Variants in SMYD3 observed in about 807,000 individuals in gnomAD.
SMYD3 encodes the protein SET and MYND domain containing 3, also known as histone-lysine N-methyltransferase SMYD3.
In SMYD3, 36 loss-of-function variants were observed where a neutral mutation model predicts 57.7. The ratio of observed to expected loss-of-function variants is 0.62; its 90% CI spans 0.48 to 0.82. The LOEUF (loss-of-function observed/expected upper bound fraction) is 0.82, where lower values mean the gene tolerates loss of function less well. Ranked by LOEUF, SMYD3 falls within the 40% of genes least tolerant of loss-of-function variation. SMYD3 has a pLI of 0.00. For synonymous variants in SMYD3, 211 were observed against 195.0 expected, an observed-to-expected ratio of 1.08 and a Z score of -0.68; for missense variants, 515 against 538.8, an observed-to-expected ratio of 0.96 and a Z score of 0.44.
intron 8 of SMYD3, among the ~76,000 whole-genome samples, chr1:245,895,100 C>G (rs1215912260): frequency 2.6e-5 from 4 of 152,180 alleles, no homozygotes; most frequent in Non-Finnish European, 5.9e-5. Flanking sequence ...GCCCAGAAGC[C>G]TCTCCCCGTA....
At chr1:246,104,639 G>A (rs932983608) in intron 5 of SMYD3, among the ~76,000 whole-genome samples, 1 of 151,362 alleles carries the variant, frequency 6.6e-6, no homozygotes, top group Non-Finnish European at 1.5e-5. Context: ...CTGGAAATGG[G>A]GGGAAAAATA....
intron 5 of SMYD3, among the ~76,000 whole-genome samples, chr1:246,057,666 G>T (rs996488427): frequency 2.0e-5 from 3 of 152,158 alleles, no homozygotes; most frequent in Non-Finnish European, 4.4e-5. Flanking sequence ...ACGCAAAATG[G>T]TACAGCCACT....
intron 10 of SMYD3, among the ~76,000 whole-genome samples, chr1:245,789,987 G>C (rs905399389): frequency 6.6e-6 from 1 of 152,180 alleles, no homozygotes; most frequent in African/African-American, 2.4e-5. Flanking sequence ...TTATGGGCCA[G>C]ACACTACAGG....
intron 2 of SMYD3, among the ~76,000 whole-genome samples, chr1:246,336,539 G>A (rs1285278831): frequency 3.3e-5 from 5 of 152,146 alleles, no homozygotes; most frequent in Non-Finnish European, 4.4e-5. Flanking sequence ...TCAAAGTAAA[G>A]ATGTGTATGA....
intron 8 of SMYD3, among the ~76,000 whole-genome samples, chr1:245,886,255 C>G (rs559606315): frequency 7.9e-5 from 12 of 152,124 alleles, no homozygotes; most frequent in Non-Finnish European, 1.5e-4. Context: ...ATTATCAACG[C>G]TTTCATAATT....
Position 246,103,321 on chromosome 1 carries a change from G to A in SMYD3, c.532-173384C>T, listed in dbSNP as rs180937241. 6.1e-3 allele frequency among the ~76,000 whole-genome samples: 931 copies of A among 151,870 alleles called. 6 individuals are homozygous for A. The highest frequency in any genetic ancestry group is 0.048 in the Middle Eastern group (14 of 294). ...CCTGAAATAATGTTGATTATTTTGA[G>A]AACAGAATATTAAGGCTATCGAGAG... On this transcript the variant is annotated intron_variant, in intron 5 of 11. Coordinates refer to ENST00000490107, the MANE Select transcript of SMYD3 (RefSeq NM_001167740.2).
intron 1 of SMYD3, among the ~76,000 whole-genome samples, chr1:246,485,633 AT>A (rs1284441883): frequency 6.6e-6 from 1 of 151,798 alleles, no homozygotes; most frequent in African/African-American, 2.4e-5. Flanking sequence ...TACAAAAAAA[AT>A]TTTTTTTAAA....
At chr1:246,253,715 T>C (rs2063832655) in intron 5 of SMYD3, among the ~76,000 whole-genome samples, 1 of 152,244 alleles carries the variant, frequency 6.6e-6, no homozygotes, top group Non-Finnish European at 1.5e-5. Context: ...GGTGTGTATA[T>C]CTACTGCAAA....
chr1:246,483,708 T>C (rs956102378), intron 1 of SMYD3: 29 of 150,138 alleles, frequency 1.9e-4, no homozygotes, highest in African/African-American at 7.4e-4. Flanking sequence ...ACAATTAAGA[T>C]GGCATAGCAC....
At chr1:246,184,202 T>G (rs976447597) in intron 5 of SMYD3, among the ~76,000 whole-genome samples, 9 of 152,210 alleles carry the variant, frequency 5.9e-5, no homozygotes, top group African/African-American at 1.7e-4. Flanking sequence ...TCTGGGATAT[T>G]GTTACACATG....
At chr1:246,500,549 G>A (rs1024680717) in intron 1 of SMYD3, among the ~76,000 whole-genome samples, 1 of 152,310 alleles carries the variant, frequency 6.6e-6, no homozygotes, top group Non-Finnish European at 1.5e-5. Context: ...CCGACACAAG[G>A]TGGCTGGCTG....
chr1:246,112,505 T>C lies in SMYD3; in HGVS notation c.532-182568A>G, dbSNP rs183189130. ...CTAAGTTAGCTTAATAATGAGGTTT[T>C]CTTAAGGAGAAATCTGTTGGTTATA... On this transcript the variant is annotated intron_variant, in intron 5 of 11. Coordinates refer to ENST00000490107, the MANE Select transcript of SMYD3 (RefSeq NM_001167740.2). Among the ~76,000 whole-genome samples the C allele has an allele frequency of 7.9e-5, 12 of 152,354 alleles. No homozygotes were observed. In the East Asian group the frequency reaches 2.3e-3, roughly 29 times the overall value.
At chr1:245,906,049 A>G (rs73126367) in intron 8 of SMYD3, among the ~76,000 whole-genome samples, 1,925 of 152,328 alleles carry the variant, frequency 0.013, 41 homozygotes, top group African/African-American at 0.043. Flanking sequence ...ACTACAAGAA[A>G]ATATTAAGGA....
Position 245,874,968 on chromosome 1 carries a change from C to T in SMYD3, c.814-11082G>A, listed in dbSNP as rs147377586. ...GGTACAGCTCTTTTGTGCCTCACCT[C>T]GTATCCATGAGACAGACTACACAAA... On this transcript the variant is annotated intron_variant, in intron 8 of 11. Coordinates refer to ENST00000490107, the MANE Select transcript of SMYD3 (RefSeq NM_001167740.2). 2.3e-3 allele frequency among the ~76,000 whole-genome samples: 348 copies of T among 152,270 alleles called. 4 individuals are homozygous for T. The highest frequency in any genetic ancestry group is 7.8e-3 in the African/African-American group (323 of 41,540).
At chr1:246,205,347 T>C (rs1372215855) in intron 5 of SMYD3, among the ~76,000 whole-genome samples, 4 of 152,206 alleles carry the variant, frequency 2.6e-5, no homozygotes, top group African/African-American at 7.2e-5. Flanking sequence ...TCTTTCACTA[T>C]AAATGTGGGC....
intron 5 of SMYD3, among the ~76,000 whole-genome samples, chr1:245,976,015 C>G (rs573206256): frequency 1.3e-4 from 2 of 14,936 alleles, no homozygotes; most frequent in South Asian, 0.011. Context: ...GCCATCGTCT[C>G]TAGCCTAGGG....
intron 10 of SMYD3, among the ~76,000 whole-genome samples, chr1:245,815,229 AAC>A (rs764693396): frequency 1.3e-5 from 2 of 152,338 alleles, no homozygotes; most frequent in East Asian, 1.9e-4. Flanking sequence ...AAAAAACACA[AAC>A]ACACACAGGA....
intron 10 of SMYD3, among the ~76,000 whole-genome samples, chr1:245,812,837 G>C (rs777352809): frequency 2.0e-5 from 3 of 151,834 alleles, no homozygotes; most frequent in African/African-American, 7.3e-5. Flanking sequence ...TCAGGATATA[G>C]TCATGAATAC....
chr1:246,426,138 T>C (rs1025589696), intron 1 of SMYD3: 1 of 152,222 alleles, frequency 6.6e-6, no homozygotes, highest in Non-Finnish European at 1.5e-5. Flanking sequence ...ACCTTCTAAC[T>C]CATTATTGTT....
Sources: allele counts gnomAD v4.1 joint callset (sites outside exome capture counted in the v4.1 genomes callset), GRCh38; gene constraint gnomAD v4.1.1; transcripts MANE v1.5; gene names NCBI Gene and HGNC (gene_info 2026-07-23, HGNC 2026-07-21).